The following ESRRG variants were observed in gnomAD, a reference collection of about 807,000 sequenced individuals.
The protein encoded by ESRRG is estrogen related receptor gamma.
Under a neutral mutation model 44.0 loss-of-function variants are expected in ESRRG, and 13 were observed. The observed-to-expected ratio is 0.30, with a 90% CI of 0.19 to 0.47. ESRRG has a LOEUF of 0.47. ESRRG is among the 20% of genes least tolerant of loss of function. The pLI is 1.00. For synonymous variants in ESRRG, 215 were observed against 214.6 expected (o/e 1.00, Z -0.02); for missense variants, 395 against 580.6 (o/e 0.68, Z 3.29).
chr1:216,955,661 A>G (rs528109837), intron 1 of ESRRG, among the ~76,000 whole-genome samples: 44 of 152,194 alleles, frequency 2.9e-4, no homozygotes, highest in Non-Finnish European at 5.9e-5. Context: ...CATTCCCACC[A>G]GCAGTGTATA....
At chr1:216,728,795 TA>T (rs879747992) in intron 2 of ESRRG, among the ~76,000 whole-genome samples, 1,906 of 141,274 alleles carry the variant, frequency 0.013, 24 homozygotes, top group African/African-American at 0.03. Flanking sequence ...AAAGGACTAG[TA>T]AAAAAAAAAA....
At chr1:216,693,458 T>C (rs754293960) in intron 1 of ESRRG, among the ~76,000 whole-genome samples, 4 of 152,142 alleles carry the variant, frequency 2.6e-5, no homozygotes, top group Admixed American at 6.5e-5. Flanking sequence ...TGTGCAGTTG[T>C]CCCTCAGTAT....
chr1:216,693,963 A>G (rs899586892), intron 1 of ESRRG, among the ~76,000 whole-genome samples: 6 of 152,234 alleles, frequency 3.9e-5, no homozygotes, highest in Admixed American at 1.3e-4. Context: ...TGTTCATACA[A>G]TCTCAAGAAT....
At chr1:216,782,048 C>T (rs1397759453) in intron 2 of ESRRG, among the ~76,000 whole-genome samples, 7 of 152,046 alleles carry the variant, frequency 4.6e-5, no homozygotes, top group Admixed American at 1.3e-4. Flanking sequence ...CTAGGCCTCC[C>T]TTTCCAAAAT....
At chr1:216,973,567 C>G (rs950239250) in intron 1 of ESRRG, among the ~76,000 whole-genome samples, 1 of 152,174 alleles carries the variant, frequency 6.6e-6, no homozygotes. Flanking sequence ...TGGCTCATGC[C>G]TGTAATCCCA....
At chr1:217,043,405 T>C (rs1199498969) in intron 1 of ESRRG, among the ~76,000 whole-genome samples, 1 of 152,192 alleles carries the variant, frequency 6.6e-6, no homozygotes, top group African/African-American at 2.4e-5. Context: ...GTTTGTGTCA[T>C]TTTCAAAGCC....
chr1:216,874,852 T>C (rs1043351991), intron 2 of ESRRG, among the ~76,000 whole-genome samples: 1 of 152,152 alleles, frequency 6.6e-6, no homozygotes, highest in Non-Finnish European at 1.5e-5. Flanking sequence ...TGCTGAGTCT[T>C]CTGGCCTTCA....
At chr1:217,067,706 G>T (rs989589755) in intron 1 of ESRRG, among the ~76,000 whole-genome samples, 2 of 152,004 alleles carry the variant, frequency 1.3e-5, no homozygotes, top group African/African-American at 4.8e-5. Context: ...ATTAACCCAG[G>T]CCAAGAAATC....
At chr1:216,936,565 C>A (rs1172552000) in intron 2 of ESRRG, 1 of 151,958 alleles carries the variant, frequency 6.6e-6, no homozygotes, top group Non-Finnish European at 1.5e-5. Flanking sequence ...CATATACTTA[C>A]TTTATGTAAA....
intron 5 of ESRRG, among the ~76,000 whole-genome samples, chr1:216,563,511 A>G (rs771397605): frequency 4.6e-5 from 7 of 152,202 alleles, no homozygotes; most frequent in Admixed American, 2.6e-4. Context: ...ATTGCTCATC[A>G]TTCAAAAACT....
At chr1:217,052,779 C>G (rs1278216641) in intron 1 of ESRRG, among the ~76,000 whole-genome samples, 1 of 152,132 alleles carries the variant, frequency 6.6e-6, no homozygotes, top group Non-Finnish European at 1.5e-5. Context: ...TCATTAACAA[C>G]AGCAGGGCAT....
In ESRRG at chr1:216,556,603, T is replaced by C. The variant is rs374106337; in HGVS notation, c.862+7616A>G. ...GCACTTCACTGCCTTCAGAATAAAA[T>C]TTGTTTTCCTTAGCATAAAATTCAA... On this transcript the variant is annotated intron_variant, in intron 5 of 6. Transcript: ENST00000408911. Among the ~76,000 whole-genome samples, 14 of 152,240 alleles carry C rather than the reference T, an allele frequency of 9.2e-5. No homozygotes were observed. In the East Asian group the frequency reaches 1.9e-3, roughly 21 times the overall value.
intron 5 of ESRRG, among the ~76,000 whole-genome samples, chr1:216,541,029 A>G (rs1023150757): frequency 2.0e-5 from 3 of 152,020 alleles, no homozygotes; most frequent in African/African-American, 4.8e-5. Context: ...AATAAGAAAG[A>G]TATGGTTCAA....
chr1:216,629,948 T>G (rs1480852755), intron 3 of ESRRG, among the ~76,000 whole-genome samples: 1 of 152,138 alleles, frequency 6.6e-6, no homozygotes, highest in Non-Finnish European at 1.5e-5. Flanking sequence ...CTTGTAAAAA[T>G]TTTAAAAGAA....
chr1:216,650,090 C>T (rs1275961370), intron 3 of ESRRG, among the ~76,000 whole-genome samples: 1 of 152,142 alleles, frequency 6.6e-6, no homozygotes, highest in African/African-American at 2.4e-5. Flanking sequence ...ACCATCTTTT[C>T]ATTGTGTTAC....
chr1:216,919,341 T>C (rs2149695344), intron 2 of ESRRG, among the ~76,000 whole-genome samples: 1 of 152,304 alleles, frequency 6.6e-6, no homozygotes, highest in Admixed American at 6.5e-5. Flanking sequence ...TAATTTTATA[T>C]TCAATTTGTC....
chr1:216,835,341 A>T (rs970819442), intron 2 of ESRRG, among the ~76,000 whole-genome samples: 1 of 152,226 alleles, frequency 6.6e-6, no homozygotes, highest in Non-Finnish European at 1.5e-5. Context: ...GGAGTGACGT[A>T]CGGAAATCGG....
In ESRRG at chr1:216,507,156, G is replaced by C; in HGVS notation, c.1160C>G (p.Ala387Gly). Residue 387 changes from alanine (A) to glycine (G), a missense_variant, in exon 7 of 7, where the codon GCC becomes GGC. By Grantham distance (60) the Ala-to-Gly change is moderately conservative. Coordinates refer to ENST00000408911, the MANE Select transcript of ESRRG (RefSeq NM_001438.4). ...TAAGACATCCTGAAGCTTCTGAACG[G>C]CTTCAACATCTTCTATGTGCATGGA... ...SDSMHIEDVE[A>G]VQKLQDVLHE... is the part of the protein sequence containing the mutation. 1 of 1,611,970 alleles carries C rather than the reference G, an allele frequency of 6.2e-7. No homozygotes were observed. The highest frequency in any genetic ancestry group is 8.5e-7 in the Non-Finnish European group (1 of 1,179,186).
chr1:216,506,688 A>C lies in ESRRG; in HGVS notation c.*251T>G. 1.7e-6 allele frequency: 1 copy of C among 581,540 alleles called. No homozygotes were observed. Among genetic ancestry groups the C allele is most frequent in the South Asian group, 1.7e-5 (1 of 59,276 alleles). 36.0% of individuals were successfully genotyped at this position (581,540 alleles called of 1,614,324 possible). A position where few individuals can be genotyped will look rare whatever the true frequency, so the allele number is the denominator to read the frequency against. ...AGAAATAAGGGAGGTGAAAGAAGAA[A>C]AGGAGAAAAAATAAAGAGAAAGAGA... On this transcript the variant is annotated 3_prime_UTR_variant, in exon 7 of 7. Coordinates refer to ENST00000408911, the MANE Select transcript of ESRRG (RefSeq NM_001438.4).
Sources: allele counts gnomAD v4.1 joint callset (sites outside exome capture counted in the v4.1 genomes callset), GRCh38; gene constraint gnomAD v4.1.1; transcripts MANE v1.5; gene names NCBI Gene and HGNC (gene_info 2026-07-23, HGNC 2026-07-21).